The following GUCY1A2 variants were observed in gnomAD, a reference collection of about 807,000 sequenced individuals.
GUCY1A2 encodes the protein guanylate cyclase soluble subunit alpha-2.
A neutral mutation model predicts 63.5 loss-of-function variants in GUCY1A2; 27 were observed. The observed-to-expected ratio is 0.43, with a 90% CI of 0.31 to 0.59. The LOEUF (loss-of-function observed/expected upper bound fraction) is 0.59, where lower values mean the gene tolerates loss of function less well. Among genes scored for constraint, GUCY1A2 ranks in the 20% least tolerant of loss-of-function variants. The pLI, the probability that GUCY1A2 is intolerant of heterozygous loss-of-function variation, is 0.11. For missense variants in GUCY1A2, 768 were observed against 913.3 expected (o/e 0.84, Z 2.05); for synonymous variants, 364 against 343.5 (o/e 1.06, Z -0.66).
intron 6 of GUCY1A2, among the ~76,000 whole-genome samples, chr11:106,754,330 A>C (rs948410182): frequency 6.6e-6 from 1 of 152,126 alleles, no homozygotes; most frequent in African/African-American, 2.4e-5. Context: ...CTCTCTTCCT[A>C]ACTGATTACT....
chr11:107,006,120 A>T (rs1159296194), intron 1 of GUCY1A2, among the ~76,000 whole-genome samples: 1 of 152,256 alleles, frequency 6.6e-6, no homozygotes, highest in Non-Finnish European at 1.5e-5. Context: ...AGGCGAATTT[A>T]TCCAGTGATG....
In GUCY1A2 at chr11:106,872,934, G is replaced by A. The variant is rs189304537; in HGVS notation, c.1207-62456C>T. Reference sequence around the variant, plus strand: ...TTCCCTCCCCTCGCCTCCCACCCCCGAAGAGGCCCTGGTGTGTTTTGTTCC... The same window carrying A: ...TTCCCTCCCCTCGCCTCCCACCCCCAAAGAGGCCCTGGTGTGTTTTGTTCC... On this transcript the variant is annotated intron_variant, in intron 4 of 7. Transcript: ENST00000526355. Among the ~76,000 whole-genome samples the A allele has an allele frequency of 8.9e-4, 132 of 147,724 alleles. 1 individual carries two copies. Among genetic ancestry groups the A allele is most frequent in the East Asian group, 1.5e-3 (7 of 4,574 alleles).
intron 5 of GUCY1A2, among the ~76,000 whole-genome samples, chr11:106,806,511 A>G (rs752632789): frequency 5.3e-5 from 8 of 152,228 alleles, no homozygotes; most frequent in Non-Finnish European, 1.0e-4. Context: ...TCAATAGTCA[A>G]TGCCATTATT....
chr11:106,817,065 AG>A (rs1258122851), intron 4 of GUCY1A2, among the ~76,000 whole-genome samples: 1 of 152,116 alleles, frequency 6.6e-6, no homozygotes, highest in Admixed American at 6.6e-5. Context: ...AGAAAATAAA[AG>A]GGGAAGGAAC....
intron 6 of GUCY1A2, chr11:106,746,643 G>T: frequency 6.3e-7 from 1 of 1,575,628 alleles, no homozygotes; most frequent in Non-Finnish European, 8.6e-7. Context: ...CTCCTCTGGG[G>T]CTTGAAAAGT....
chr11:106,959,021 TC>T (rs1372874054), intron 3 of GUCY1A2, among the ~76,000 whole-genome samples: 1 of 152,218 alleles, frequency 6.6e-6, no homozygotes, highest in African/African-American at 2.4e-5. Context: ...AAGCACTGCT[TC>T]TTTAGCATCG....
intron 6 of GUCY1A2, chr11:106,746,588 T>C: frequency 6.3e-7 from 1 of 1,597,052 alleles, no homozygotes; most frequent in Non-Finnish European, 8.5e-7. Flanking sequence ...TTGATGCTGA[T>C]CTGGAACCAG....
chr11:106,827,829 G>C, intron 4 of GUCY1A2: 1 of 1,599,596 alleles, frequency 6.3e-7, no homozygotes, highest in Non-Finnish European at 8.6e-7. Context: ...AGTGACGCCC[G>C]CGATGCCGCC....
chr11:106,788,943 A>G (rs1399837217), intron 5 of GUCY1A2, among the ~76,000 whole-genome samples: 3 of 152,166 alleles, frequency 2.0e-5, no homozygotes, highest in South Asian at 2.1e-4. Context: ...GAAGAATGTC[A>G]TTGGTATTTT....
intron 4 of GUCY1A2, among the ~76,000 whole-genome samples, chr11:106,939,030 T>C (rs1186800976): frequency 1.3e-5 from 2 of 152,212 alleles, no homozygotes; most frequent in Non-Finnish European, 2.9e-5. Flanking sequence ...TCCCAGATTA[T>C]GAAATTTAGA....
At chr11:106,972,100 A>G (rs1286226729) in intron 3 of GUCY1A2, among the ~76,000 whole-genome samples, 1 of 152,182 alleles carries the variant, frequency 6.6e-6, no homozygotes, top group Non-Finnish European at 1.5e-5. Context: ...AGAAATTGTC[A>G]TAGATAAGAG....
intron 4 of GUCY1A2, among the ~76,000 whole-genome samples, chr11:106,882,745 C>T (rs959098018): frequency 1.3e-5 from 2 of 151,950 alleles, no homozygotes; most frequent in East Asian, 3.9e-4. Context: ...TTATTGCCAT[C>T]AAAATGTGTC....
chr11:107,013,471 C>A (rs1174990203), intron 1 of GUCY1A2, among the ~76,000 whole-genome samples: 1 of 152,182 alleles, frequency 6.6e-6, no homozygotes, highest in Non-Finnish European at 1.5e-5. Context: ...GTATTCCCAA[C>A]TATTATATTA....
chr11:106,868,867 C>A (rs890098572), intron 4 of GUCY1A2, among the ~76,000 whole-genome samples: 1 of 152,160 alleles, frequency 6.6e-6, no homozygotes, highest in Non-Finnish European at 1.5e-5. Flanking sequence ...TACTACAAGG[C>A]TACAGTAACC....
chr11:106,833,724 G>T (rs1859081591), intron 4 of GUCY1A2, among the ~76,000 whole-genome samples: 1 of 151,866 alleles, frequency 6.6e-6, no homozygotes, highest in Admixed American at 6.6e-5. Context: ...TCAACCGTAA[G>T]TAAAGATTAT....
intron 4 of GUCY1A2, among the ~76,000 whole-genome samples, chr11:106,893,979 G>A (rs1054740514): frequency 1.3e-5 from 2 of 152,154 alleles, no homozygotes; most frequent in African/African-American, 4.8e-5. Flanking sequence ...AGGGAAGGGG[G>A]AAAAGACCCA....
At chr11:106,916,287 CA>C in intron 4 of GUCY1A2, among the ~76,000 whole-genome samples, 1 of 145,148 alleles carries the variant, frequency 6.9e-6, no homozygotes, top group Admixed American at 6.9e-5. Flanking sequence ...ATTTATTTAG[CA>C]AAAATCCAAA....
chr11:106,781,090 A>G (rs1249975550), intron 5 of GUCY1A2, among the ~76,000 whole-genome samples: 3 of 139,894 alleles, frequency 2.1e-5, no homozygotes, highest in Admixed American at 7.4e-5. Context: ...AAATGAAACA[A>G]GTGGACATGG....
At chr11:106,810,517 C>A (rs767948608) in intron 4 of GUCY1A2, 39 bp from the exon 5 acceptor site, 4 of 1,500,850 alleles carry the variant, frequency 2.7e-6, no homozygotes, top group Non-Finnish European at 3.6e-6. Flanking sequence ...GTACTCTTCA[C>A]ATAGTAGGTT....
Sources: gnomAD v4.1 joint callset for allele counts (sites outside exome capture counted in the v4.1 genomes callset) on GRCh38, gnomAD v4.1.1 for gene constraint, MANE v1.5 for transcripts, NCBI Gene and HGNC (gene_info 2026-07-23, HGNC 2026-07-21) for gene names.